Variants in STPG2 observed in about 807,000 individuals in gnomAD.
STPG2 encodes sperm tail PG-rich repeat containing 2.
Under a neutral mutation model 54.2 loss-of-function variants are expected in STPG2, and 56 were observed. That is an observed-to-expected ratio of 1.03 (90% CI 0.83 to 1.29). The LOEUF is 1.29. Ranked by LOEUF, STPG2 falls within the 50% of genes most tolerant of loss-of-function variation. The pLI, the probability that STPG2 is intolerant of heterozygous loss-of-function variation, is 0.00. For synonymous variants in STPG2, 200 were observed against 181.8 expected, an observed-to-expected ratio of 1.10 and a Z score of -0.81; for missense variants, 596 against 544.9, an observed-to-expected ratio of 1.09 and a Z score of -0.93.
At chr4:97,926,718 CAT>C (rs577789028) in intron 8 of STPG2, among the ~76,000 whole-genome samples, 293 of 152,026 alleles carry the variant, frequency 1.9e-3, no homozygotes, top group African/African-American at 6.9e-3. Context: ...AACAAAAAGA[CAT>C]CACTAAATTT....
At chr4:97,645,972 T>C (rs1166317778) in intron 10 of STPG2, among the ~76,000 whole-genome samples, 1 of 152,090 alleles carries the variant, frequency 6.6e-6, no homozygotes, top group Non-Finnish European at 1.5e-5. Context: ...AACACACTCC[T>C]TGAGCCCAGA....
intron 8 of STPG2, among the ~76,000 whole-genome samples, chr4:97,889,918 C>T (rs1387902629): frequency 6.6e-6 from 1 of 152,040 alleles, no homozygotes; most frequent in African/African-American, 2.4e-5. Context: ...AAAAGTAGTT[C>T]AAGCAATGCT....
intron 5 of STPG2, among the ~76,000 whole-genome samples, chr4:98,028,703 T>A (rs1736504385): frequency 6.6e-6 from 1 of 152,170 alleles, no homozygotes; most frequent in African/African-American, 2.4e-5. Flanking sequence ...TTTCACCTAC[T>A]TCCACTCAGT....
At chr4:98,060,118 G>A (rs1439967371) in intron 5 of STPG2, among the ~76,000 whole-genome samples, 4 of 152,160 alleles carry the variant, frequency 2.6e-5, no homozygotes, top group Non-Finnish European at 4.4e-5. Context: ...TAGGAAGACA[G>A]GAAGTCAAAC....
chr4:97,952,733 G>A (rs764733261), intron 7 of STPG2, among the ~76,000 whole-genome samples: 5 of 152,130 alleles, frequency 3.3e-5, no homozygotes, highest in Admixed American at 6.5e-5. Context: ...TTAGTGTGTT[G>A]GTTTTCTCAA....
chr4:98,042,220 G>GT (rs35502692), intron 5 of STPG2, among the ~76,000 whole-genome samples: 59,714 of 150,828 alleles, frequency 0.4, 11,960 homozygotes, highest in Middle Eastern at 0.46. Flanking sequence ...GATTTTCTCT[G>GT]TTTTTTTTGG....
intron 7 of STPG2, among the ~76,000 whole-genome samples, chr4:97,954,771 C>A (rs368869074): frequency 5.3e-5 from 8 of 152,064 alleles, no homozygotes; most frequent in Admixed American, 3.9e-4. Flanking sequence ...TAGAAAATAA[C>A]ATCATTTAGA....
intron 1 of STPG2, 145 bp downstream of exon 1, chr4:98,142,897 A>T: frequency 2.8e-6 from 2 of 726,268 alleles, no homozygotes; most frequent in South Asian, 1.6e-5. Context: ...ATAAAAGTAT[A>T]GTGTTTTCCC....
intron 10 of STPG2, among the ~76,000 whole-genome samples, chr4:97,586,917 T>C (rs1733016114): frequency 6.6e-6 from 1 of 151,926 alleles, no homozygotes; most frequent in Non-Finnish European, 1.5e-5. Flanking sequence ...ATACACTCAA[T>C]AGACTTTCCT....
chr4:97,653,118 G>A (rs13139294), intron 10 of STPG2, among the ~76,000 whole-genome samples: 1,775 of 151,898 alleles, frequency 0.012, 17 homozygotes, highest in Non-Finnish European at 0.019. Context: ...TAGATAGGTA[G>A]ATAGATAGAT....
intron 10 of STPG2, among the ~76,000 whole-genome samples, chr4:97,652,331 G>A (rs112787467): frequency 0.012 from 1,872 of 151,744 alleles, 34 homozygotes; most frequent in African/African-American, 0.043. Flanking sequence ...TGAAACTATG[G>A]ACAATATCAA....
At chr4:98,090,641 T>C (rs1738657988) in intron 5 of STPG2, among the ~76,000 whole-genome samples, 1 of 152,080 alleles carries the variant, frequency 6.6e-6, no homozygotes, top group African/African-American at 2.4e-5. Flanking sequence ...GTAGATTGCT[T>C]TGCGCAACAT....
chr4:97,797,322 G>C (rs995765205), intron 9 of STPG2, among the ~76,000 whole-genome samples: 1 of 152,134 alleles, frequency 6.6e-6, no homozygotes, highest in African/African-American at 2.4e-5. Flanking sequence ...TTGGCTGTGG[G>C]TTTGTCATAA....
intron 5 of STPG2, among the ~76,000 whole-genome samples, chr4:97,995,090 C>T (rs769660720): frequency 1.3e-5 from 2 of 152,048 alleles, no homozygotes; most frequent in Non-Finnish European, 2.9e-5. Context: ...GGTAGAAAGC[C>T]AGCATCCACA....
chr4:97,666,066 A>G (rs932942163), intron 10 of STPG2, among the ~76,000 whole-genome samples: 2 of 152,126 alleles, frequency 1.3e-5, no homozygotes, highest in African/African-American at 4.8e-5. Context: ...CTGCAGTTGT[A>G]CCCAGAGGGC....
intron 8 of STPG2, among the ~76,000 whole-genome samples, chr4:97,928,048 T>C (rs1161083544): frequency 1.3e-5 from 2 of 152,152 alleles, no homozygotes; most frequent in Non-Finnish European, 2.9e-5. Flanking sequence ...CTTTCAATCC[T>C]CTGGTAAGTA....
intron 10 of STPG2, among the ~76,000 whole-genome samples, chr4:97,612,108 G>T (rs1733745035): frequency 6.6e-6 from 1 of 151,444 alleles, no homozygotes; most frequent in African/African-American, 2.4e-5. Flanking sequence ...TTGAAAAATG[G>T]CACTAATACA....
chr4:98,105,983 A>G lies in STPG2; in HGVS notation c.582T>C (p.Tyr194=), dbSNP rs984614299. 3.2e-6 allele frequency: 5 copies of G among 1,569,036 alleles called. No individual in the cohort carries two copies. In the African/African-American group the frequency reaches 5.4e-5, roughly 17 times the overall value. The change falls in exon 5 of 11, where the codon TAT becomes TAC. Residue 194 remains tyrosine (Y), a synonymous_variant. Transcript: ENST00000295268. Reference sequence around the variant, plus strand: ...TTTTCTCCTGCAATACTATTATTTCATATAGTCGTGGGATAAATGAACAAT... The same window carrying G: ...TTTTCTCCTGCAATACTATTATTTCGTATAGTCGTGGGATAAATGAACAAT... The part of the protein sequence containing the change: ...QNYCSFIPRL[Y]EIIVLQEKKK...
At chr4:97,715,919 T>A (rs548616780) in intron 9 of STPG2, among the ~76,000 whole-genome samples, 4 of 152,022 alleles carry the variant, frequency 2.6e-5, no homozygotes, top group South Asian at 4.2e-4. Context: ...CCTACAGAAT[T>A]AGAGAAAATT....
Sources: gnomAD v4.1 joint callset for allele counts (sites outside exome capture counted in the v4.1 genomes callset) on GRCh38, gnomAD v4.1.1 for gene constraint, MANE v1.5 for transcripts, NCBI Gene and HGNC (gene_info 2026-07-23, HGNC 2026-07-21) for gene names.